The following LRRC7 variants were observed in gnomAD, a reference collection of about 807,000 sequenced individuals.
LRRC7 encodes leucine-rich repeat-containing protein 7.
Under a neutral mutation model 175.7 loss-of-function variants are expected in LRRC7, and 23 were observed. That is an observed-to-expected ratio of 0.13 (90% confidence interval 0.09 to 0.19). LRRC7 has a LOEUF of 0.19. LRRC7 is among the 10% of genes least tolerant of loss of function. The pLI, the probability that LRRC7 is intolerant of heterozygous loss-of-function variation, is 1.00. For synonymous variants in LRRC7, 685 were observed against 680.9 expected, an observed-to-expected ratio of 1.01 and a Z score of -0.09; for missense variants, 1,354 against 1,904.7, an observed-to-expected ratio of 0.71 and a Z score of 5.38.
chr1:70,016,887 C>G (rs1342222120), intron 14 of LRRC7, among the ~76,000 whole-genome samples: 1 of 152,048 alleles, frequency 6.6e-6, no homozygotes, highest in Non-Finnish European at 1.5e-5. Flanking sequence ...AAATTGTTAC[C>G]ACAATCCCCA....
chr1:69,927,178 A>C (rs1048513167), intron 7 of LRRC7, among the ~76,000 whole-genome samples: 10 of 152,164 alleles, frequency 6.6e-5, no homozygotes, highest in Non-Finnish European at 8.8e-5. Flanking sequence ...AAGAGATCCC[A>C]TGTTAGTCTG....
At chr1:69,781,659 G>A (rs796357588) in intron 3 of LRRC7, among the ~76,000 whole-genome samples, 6 of 141,396 alleles carry the variant, frequency 4.2e-5, no homozygotes, top group African/African-American at 1.6e-4. Context: ...TCCAGCCTGG[G>A]AGACAGAGCA....
At chr1:69,882,846 G>C (rs1012034215) in intron 7 of LRRC7, among the ~76,000 whole-genome samples, 1 of 145,918 alleles carries the variant, frequency 6.9e-6, no homozygotes, top group Non-Finnish European at 1.5e-5. Context: ...TCCCACCTAT[G>C]AGTGAGAATA....
At chr1:69,674,460 T>C (rs1464386649) in intron 1 of LRRC7, among the ~76,000 whole-genome samples, 1 of 152,168 alleles carries the variant, frequency 6.6e-6, no homozygotes, top group African/African-American at 2.4e-5. Context: ...GTAAATGAAG[T>C]AATTTACTTC....
Position 70,089,829 on chromosome 1 carries a change from G to GAATA in LRRC7, c.4545+11_4545+14dup, listed in dbSNP as rs1356314277. The GAATA allele has an allele frequency of 6.5e-7, 1 of 1,536,952 alleles. No homozygotes were observed. The highest frequency in any genetic ancestry group is 1.7e-5 in the Admixed American group (1 of 58,266). On this transcript the variant is annotated intron_variant, in intron 25 of 26. Coordinates refer to ENST00000651989, the MANE Select transcript of LRRC7 (RefSeq NM_001370785.2). The stretch of plus-strand genomic sequence containing the variant: ...CAAACCTTCTGACAAGGTAAGAAAT[G>GAATA]AATATCTTGTTGACAATATTAATTA...
intron 8 of LRRC7, among the ~76,000 whole-genome samples, chr1:69,978,977 A>G (rs1407113638): frequency 2.0e-5 from 3 of 150,510 alleles, no homozygotes; most frequent in East Asian, 3.9e-4. Flanking sequence ...CCAGGCTTAT[A>G]TAATCTTACC....
rs1666654302 is a variant in LRRC7 at position 70,131,310 on chromosome 1, A to G, written c.*9423A>G. Among the ~76,000 whole-genome samples the G allele has an allele frequency of 6.6e-6, 1 of 152,224 alleles. No homozygotes were observed. Among genetic ancestry groups the G allele is most frequent in the Non-Finnish European group, 1.5e-5 (1 of 68,040 alleles). ...GCCCCTTAAAACAAAAATGATATCT[A>G]ACTGGGAATCTAATGATATCTAAGA... On this transcript the variant is annotated 3_prime_UTR_variant, in exon 27 of 27. Transcript: ENST00000651989.
At chr1:69,899,289 G>A (rs1646067541) in intron 7 of LRRC7, among the ~76,000 whole-genome samples, 1 of 152,158 alleles carries the variant, frequency 6.6e-6, no homozygotes, top group Non-Finnish European at 1.5e-5. Flanking sequence ...GATCAGCAGG[G>A]AAATACCATA....
chr1:69,858,568 TG>T, intron 7 of LRRC7, among the ~76,000 whole-genome samples: 2 of 151,954 alleles, frequency 1.3e-5, no homozygotes, highest in South Asian at 4.2e-4. Context: ...TTTCATCCTT[TG>T]AGTTGGGAAT....
intron 7 of LRRC7, among the ~76,000 whole-genome samples, chr1:69,906,739 G>A (rs896013976): frequency 7.0e-4 from 106 of 152,262 alleles, no homozygotes; most frequent in African/African-American, 2.5e-3. Flanking sequence ...ACTTGGCGAT[G>A]AGGGCTCTTT....
intron 2 of LRRC7, among the ~76,000 whole-genome samples, chr1:69,710,588 A>G (rs1308404985): frequency 6.6e-6 from 1 of 152,170 alleles, no homozygotes; most frequent in Admixed American, 6.5e-5. Context: ...TGCATGAAAG[A>G]AACTTGAAGA....
intron 11 of LRRC7, among the ~76,000 whole-genome samples, chr1:69,997,092 T>G (rs1164575380): frequency 6.6e-6 from 1 of 152,180 alleles, no homozygotes; most frequent in Non-Finnish European, 1.5e-5. Flanking sequence ...TGGTTTGTAG[T>G]TCTCCTTGAA....
At position 70,133,232 on chromosome 1, in the gene LRRC7, G is replaced by C. The variant is rs1347859855; in HGVS notation, c.*11345G>C. On this transcript the variant is annotated 3_prime_UTR_variant, in exon 27 of 27. Transcript: ENST00000651989. ...TTGTTGTCGTGGGTGTTTTTTGTTT[G>C]TTTGTATTGAGACAGTGTCGCTCTG... Among the ~76,000 whole-genome samples the C allele has an allele frequency of 1.3e-5, 2 of 151,972 alleles. No individual in the cohort carries two copies. The highest frequency in any genetic ancestry group is 2.9e-5 in the Non-Finnish European group (2 of 67,982).
At chr1:69,929,173 G>A (rs1394216791) in intron 7 of LRRC7, among the ~76,000 whole-genome samples, 2 of 152,104 alleles carry the variant, frequency 1.3e-5, no homozygotes, top group East Asian at 1.9e-4. Flanking sequence ...TGCACAAACT[G>A]GCCCAGTTGG....
chr1:69,781,423 TG>T (rs2101021210), intron 3 of LRRC7, among the ~76,000 whole-genome samples: 1 of 152,032 alleles, frequency 6.6e-6, no homozygotes. Context: ...GTCTCTTGCC[TG>T]TAATCCCAGC....
chr1:69,586,479 T>C (rs1557438451), intron 1 of LRRC7, among the ~76,000 whole-genome samples: 1 of 151,808 alleles, frequency 6.6e-6, no homozygotes, highest in Non-Finnish European at 1.5e-5. Flanking sequence ...ATGAAAACTG[T>C]GAGTTGGGGA....
intron 1 of LRRC7, among the ~76,000 whole-genome samples, chr1:69,671,084 C>T (rs1659003359): frequency 6.6e-6 from 1 of 152,126 alleles, no homozygotes; most frequent in Non-Finnish European, 1.5e-5. Context: ...CAAGAGGAGT[C>T]TCTTCCCATA....
At chr1:69,690,812 T>C (rs1180385637) in intron 2 of LRRC7, among the ~76,000 whole-genome samples, 2 of 152,136 alleles carry the variant, frequency 1.3e-5, no homozygotes, top group South Asian at 2.1e-4. Context: ...GGCTGGGCTT[T>C]TTAAGGGAAT....
chr1:70,015,650 T>C lies in LRRC7; in HGVS notation c.1251-815T>C, dbSNP rs193088468. On this transcript the variant is annotated intron_variant, in intron 13 of 26. Transcript: ENST00000651989. ...GCATAATTTGAAGGATATCAGATAG[T>C]GTGAAGTACTTTGGCCCTCCAAAGG... Among the ~76,000 whole-genome samples, 356 of 152,320 alleles carry C rather than the reference T, an allele frequency of 2.3e-3. 2 individuals carry two copies. The highest frequency in any genetic ancestry group is 3.4e-3 in the Non-Finnish European group (231 of 68,014).
Sources: gnomAD v4.1 joint callset for allele counts (sites outside exome capture counted in the v4.1 genomes callset) on GRCh38, gnomAD v4.1.1 for gene constraint, MANE v1.5 for transcripts, NCBI Gene and HGNC (gene_info 2026-07-23, HGNC 2026-07-21) for gene names.